GLT1D1: variants seen among roughly 807,000 people sequenced by gnomAD.
The protein encoded by GLT1D1 is glycosyltransferase 1 domain containing 1, also known as glycosyltransferase 1 domain-containing protein 1.
GLT1D1 carries 21 observed loss-of-function variants against 28.7 expected under a neutral mutation model. The observed-to-expected ratio is 0.73, with a 90% CI of 0.52 to 1.05. The LOEUF is 1.05. Ranked by LOEUF, GLT1D1 falls within the 50% of genes least tolerant of loss-of-function variation. The pLI is 0.00. For synonymous variants in GLT1D1, 147 were observed against 124.8 expected (o/e 1.18, Z -1.19); for missense variants, 343 against 330.6 (o/e 1.04, Z -0.29).
Position 128,981,500 on chromosome 12 carries a change from C to T in GLT1D1, c.640-1429C>T, listed in dbSNP as rs566745624. 9.2e-5 allele frequency among the ~76,000 whole-genome samples: 14 copies of T among 152,284 alleles called. 1 individual carries two copies. In the South Asian group the frequency reaches 1.2e-3, roughly 14 times the overall value. On this transcript the variant is annotated intron_variant, in intron 7 of 7. Transcript: ENST00000281703. ...GAATAAACATATTTTTATTATAAAA[C>T]GACCACCAATTTACTATGAAGTATA... is the stretch of plus-strand genomic sequence containing the variant.
intron 6 of GLT1D1, among the ~76,000 whole-genome samples, chr12:128,954,287 A>ATTT: frequency 1.2e-5 from 1 of 80,666 alleles, no homozygotes; most frequent in Non-Finnish European, 3.3e-5. Context: ...ACACCCGGCT[A>ATTT]ATTTTTTTTT....
rs59189244 is a variant in GLT1D1, at chr12:128,904,623, CTTTTTTTTTTTTT to C, written c.375+5352_375+5364del. On this transcript the variant is annotated intron_variant, in intron 4 of 7. Transcript: ENST00000281703. ...GTGATGGTTAAAGCATGAAAACAGT[CTTTTTTTTTTTTT>C]TTTTTTTTTTTTTTTGAGACAGAGT... 5.7e-5 allele frequency among the ~76,000 whole-genome samples: 8 copies of C among 139,348 alleles called. No individual in the cohort carries two copies. The South Asian group carries it at 6.5e-4, about 11-fold the overall frequency. 91.4% of individuals were successfully genotyped at this position (139,348 alleles called of 152,430 possible). A position where few individuals can be genotyped will look rare whatever the true frequency, so the allele number is the denominator to read the frequency against.
chr12:128,899,314 T>C (rs1434174049), intron 4 of GLT1D1, 27 bp downstream of exon 4: 1 of 1,593,846 alleles, frequency 6.3e-7, no homozygotes, highest in Non-Finnish European at 8.6e-7. Context: ...TGTTGTTATT[T>C]TGGTTGTGCT....
intron 4 of GLT1D1, among the ~76,000 whole-genome samples, chr12:128,942,992 C>T (rs2135484467): frequency 6.6e-6 from 1 of 152,218 alleles, no homozygotes; most frequent in East Asian, 1.9e-4. Flanking sequence ...CATGATCCAC[C>T]CGCCTCGGCC....
intron 2 of GLT1D1, among the ~76,000 whole-genome samples, chr12:128,887,172 T>G (rs911100232): frequency 6.6e-6 from 1 of 152,004 alleles, no homozygotes; most frequent in Non-Finnish European, 1.5e-5. Context: ...CCACCACACC[T>G]GGCTAATTTT....
At chr12:128,940,682 A>G (rs1475113108) in intron 4 of GLT1D1, among the ~76,000 whole-genome samples, 1 of 152,216 alleles carries the variant, frequency 6.6e-6, no homozygotes, top group African/African-American at 2.4e-5. Flanking sequence ...CAGGACGGAA[A>G]TAGTCCCTGC....
chr12:128,902,409 C>T (rs549622276), intron 4 of GLT1D1, among the ~76,000 whole-genome samples: 52 of 149,684 alleles, frequency 3.5e-4, no homozygotes, highest in Non-Finnish European at 5.8e-4. Flanking sequence ...CGCTTGAACC[C>T]AGAAGGTGGA....
intron 3 of GLT1D1, among the ~76,000 whole-genome samples, chr12:128,892,527 A>G (rs1298122155): frequency 6.6e-6 from 1 of 152,146 alleles, no homozygotes; most frequent in Non-Finnish European, 1.5e-5. Context: ...TATTATTATT[A>G]GTATTATTTA....
intron 6 of GLT1D1, among the ~76,000 whole-genome samples, 186 bp downstream of exon 10, chr12:128,947,644 T>C (rs1243309058): frequency 6.6e-6 from 1 of 152,216 alleles, no homozygotes; most frequent in African/African-American, 2.4e-5. Context: ...AAAAATATCA[T>C]TTCATTTCTC....
intron 7 of GLT1D1, among the ~76,000 whole-genome samples, chr12:128,965,206 T>C (rs1878332916): frequency 6.6e-6 from 1 of 152,198 alleles, no homozygotes; most frequent in Non-Finnish European, 1.5e-5. Flanking sequence ...AATTTAGATC[T>C]AGAGGTCAAG....
At chr12:128,910,957 T>C (rs1871453310) in intron 4 of GLT1D1, among the ~76,000 whole-genome samples, 1 of 151,962 alleles carries the variant, frequency 6.6e-6, no homozygotes, top group Non-Finnish European at 1.5e-5. Flanking sequence ...TCAGGCAGAG[T>C]CTCACTCTGT....
chr12:128,855,756 TTTTTTTTTTTTTTTGAGACAAAGCTTCA>T (rs1437373660), intron 1 of GLT1D1, among the ~76,000 whole-genome samples: 1 of 147,552 alleles, frequency 6.8e-6, no homozygotes, highest in South Asian at 2.2e-4. Flanking sequence ...CTTTTTTTTT[TTTTTTTTTTTTTTTGAGACAAAGCTTCA>T]TTCTTTCGCC....
At chr12:128,873,889 C>A (rs1017320545) in intron 1 of GLT1D1, among the ~76,000 whole-genome samples, 2 of 115,352 alleles carry the variant, frequency 1.7e-5, no homozygotes, top group Non-Finnish European at 3.4e-5. Context: ...CTTCCTCTCT[C>A]TTGCTCCCTT....
chr12:128,934,198 C>CTTTTTT (rs1228657723), intron 4 of GLT1D1, among the ~76,000 whole-genome samples: 1 of 73,430 alleles, frequency 1.4e-5, no homozygotes. Flanking sequence ...AAGAGACAGT[C>CTTTTTT]TTTTTTTTTT....
intron 4 of GLT1D1, among the ~76,000 whole-genome samples, chr12:128,908,345 T>C (rs1197675592): frequency 1.8e-5 from 2 of 112,924 alleles, no homozygotes; most frequent in Non-Finnish European, 3.5e-5. Context: ...TTTCTTTCTT[T>C]CCCTTTCTTT....
chr12:128,900,448 G>T lies in GLT1D1; in HGVS notation c.375+1161G>T, dbSNP rs574555442. Among the ~76,000 whole-genome samples the T allele has an allele frequency of 7.9e-5, 12 of 152,278 alleles. No homozygotes were observed. In the South Asian group the frequency reaches 2.3e-3, roughly 29 times the overall value. On this transcript the variant is annotated intron_variant, in intron 4 of 7. Transcript: ENST00000281703. ...CATCTGTGGTCTCTTCCGAAAGCTC[G>T]GGATGCTAGACATATGTGAATGTGA...
At chr12:128,918,778 G>A (rs1007340217) in intron 4 of GLT1D1, among the ~76,000 whole-genome samples, 1 of 152,206 alleles carries the variant, frequency 6.6e-6, no homozygotes, top group Non-Finnish European at 1.5e-5. Flanking sequence ...ACGCAATGGC[G>A]TTGTAACTAA....
chr12:128,879,381 TCTTTC>T (rs1956955614), intron 2 of GLT1D1, among the ~76,000 whole-genome samples: 1 of 29,302 alleles, frequency 3.4e-5, no homozygotes, highest in Non-Finnish European at 6.1e-5. Flanking sequence ...TTTTTCTTTT[TCTTTC>T]TTTCTTTCTT....
intron 5 of GLT1D1, among the ~76,000 whole-genome samples, chr12:128,945,879 G>T (rs1182111140): frequency 1.3e-5 from 2 of 152,194 alleles, no homozygotes. Flanking sequence ...CCATCCTGAA[G>T]GTGACATGGT....
Sources: allele counts gnomAD v4.1 joint callset (sites outside exome capture counted in the v4.1 genomes callset), GRCh38; gene constraint gnomAD v4.1.1; transcripts MANE v1.5; gene names NCBI Gene and HGNC (gene_info 2026-07-23, HGNC 2026-07-21).